Variants in NAA40 observed in about 807,000 individuals in gnomAD.
NAA40 encodes N-alpha-acetyltransferase 40, NatD catalytic subunit.
NAA40 carries 26 observed loss-of-function variants against 36.6 expected under a neutral mutation model. The observed-to-expected ratio is 0.71, with a 90% CI of 0.52 to 0.98. The LOEUF is 0.98. Among genes scored for constraint, NAA40 ranks in the 50% least tolerant of loss-of-function variants. The pLI is 0.00. For missense variants in NAA40, 237 were observed against 306.5 expected, an observed-to-expected ratio of 0.77 and a Z score of 1.69; for synonymous variants, 129 against 108.4, an observed-to-expected ratio of 1.19 and a Z score of -1.18.
At chr11:63,949,748 T>G (rs1242323757) in intron 3 of NAA40, among the ~76,000 whole-genome samples, 2 of 148,780 alleles carry the variant, frequency 1.3e-5, no homozygotes, top group African/African-American at 4.9e-5. Context: ...AAGCTGTTTT[T>G]TTTTTTTTTT....
chr11:63,953,180 T>TG (rs1942310198), intron 6 of NAA40, among the ~76,000 whole-genome samples: 1 of 151,604 alleles, frequency 6.6e-6, no homozygotes, highest in South Asian at 2.1e-4. Context: ...CCCAAGTGGC[T>TG]GGGATTACAG....
intron 1 of NAA40, among the ~76,000 whole-genome samples, chr11:63,941,310 C>T (rs1372233854): frequency 6.6e-6 from 1 of 152,218 alleles, no homozygotes. Context: ...AGCCTGGCCT[C>T]AGGCTGAGTG....
At chr11:63,950,235 C>T (rs936187141) in intron 3 of NAA40, among the ~76,000 whole-genome samples, 14 of 151,374 alleles carry the variant, frequency 9.2e-5, no homozygotes, top group African/African-American at 3.4e-4. Flanking sequence ...TCTCCTGCCT[C>T]TACCTCCTGA....
intron 3 of NAA40, among the ~76,000 whole-genome samples, chr11:63,949,307 TTGC>T (rs1942237924): frequency 6.6e-6 from 1 of 152,204 alleles, no homozygotes; most frequent in Admixed American, 6.5e-5. Flanking sequence ...AGATAAGTGT[TTGC>T]TGTTATTTTA....
intron 2 of NAA40, 113 bp downstream of exon 2, chr11:63,946,048 G>T: frequency 1.1e-6 from 1 of 880,956 alleles, no homozygotes; most frequent in Non-Finnish European, 1.8e-6. Flanking sequence ...CACCCACACC[G>T]CCTCTGCCTC....
At chr11:63,950,714 G>A (rs933169426) in intron 3 of NAA40, among the ~76,000 whole-genome samples, 3 of 150,564 alleles carry the variant, frequency 2.0e-5, no homozygotes, top group Admixed American at 6.6e-5. Context: ...CGCCCGCCTC[G>A]GCCTCCCAAA....
chr11:63,941,472 A>G (rs865875568), intron 1 of NAA40, among the ~76,000 whole-genome samples: 1 of 152,222 alleles, frequency 6.6e-6, no homozygotes, highest in Non-Finnish European at 1.5e-5. Flanking sequence ...GGGTAGAGAC[A>G]TTGATACTGA....
chr11:63,946,557 G>A, intron 2 of NAA40: 1 of 1,188,868 alleles, frequency 8.4e-7, no homozygotes, highest in Non-Finnish European at 1.1e-6. Flanking sequence ...CCCACTCATA[G>A]TAAACACTCA....
At chr11:63,954,257 G>C in intron 7 of NAA40, 81 bp from the exon 8 acceptor site, 1 of 1,516,274 alleles carries the variant, frequency 6.6e-7, no homozygotes, top group Non-Finnish European at 8.9e-7. Context: ...TCATCAGTGT[G>C]GCTGGTAGAA....
chr11:63,944,270 G>T (rs760520130), intron 1 of NAA40, among the ~76,000 whole-genome samples: 1 of 152,146 alleles, frequency 6.6e-6, no homozygotes. Context: ...GGGCCAGTCC[G>T]TGTCAGGGCT....
At chr11:63,949,307 T>G (rs1020473156) in intron 3 of NAA40, among the ~76,000 whole-genome samples, 1 of 152,204 alleles carries the variant, frequency 6.6e-6, no homozygotes, top group Non-Finnish European at 1.5e-5. Context: ...AGATAAGTGT[T>G]TGCTGTTATT....
intron 1 of NAA40, among the ~76,000 whole-genome samples, chr11:63,940,434 G>C (rs1474342461): frequency 6.6e-6 from 1 of 152,166 alleles, no homozygotes; most frequent in Non-Finnish European, 1.5e-5. Context: ...CCCCGTCTTC[G>C]CTGCTGGTGG....
intron 1 of NAA40, among the ~76,000 whole-genome samples, chr11:63,942,930 T>C (rs1942130647): frequency 6.6e-6 from 1 of 152,222 alleles, no homozygotes; most frequent in Non-Finnish European, 1.5e-5. Context: ...CTGCTTGTTC[T>C]TGGGAATTAC....
chr11:63,951,705 G>A (rs1406850858), intron 3 of NAA40, among the ~76,000 whole-genome samples: 1 of 152,156 alleles, frequency 6.6e-6, no homozygotes, highest in Non-Finnish European at 1.5e-5. Flanking sequence ...CAGGACTCCT[G>A]GGGCGGGGTG....
chr11:63,949,664 A>G (rs1267692966), intron 3 of NAA40, among the ~76,000 whole-genome samples: 2 of 150,798 alleles, frequency 1.3e-5, no homozygotes, highest in Non-Finnish European at 2.9e-5. Context: ...TAATAACTCT[A>G]CTTGGAGAAG....
chr11:63,943,754 T>C (rs1330293562), intron 1 of NAA40, among the ~76,000 whole-genome samples: 1 of 152,014 alleles, frequency 6.6e-6, no homozygotes, highest in East Asian at 1.9e-4. Flanking sequence ...GCTCAGGAGT[T>C]TGAGACTAGC....
chr11:63,943,504 C>T (rs1173618326), intron 1 of NAA40, among the ~76,000 whole-genome samples: 1 of 152,132 alleles, frequency 6.6e-6, no homozygotes, highest in Non-Finnish European at 1.5e-5. Flanking sequence ...CAGTAGGGGA[C>T]AGTGTGGCCA....
Position 63,956,137 on chromosome 11 carries a change from G to C in NAA40, c.*1658G>C, listed in dbSNP as rs1307573824. On this transcript the variant is annotated 3_prime_UTR_variant, in exon 8 of 8. Transcript: ENST00000377793. ...CTCTTGATGGGCAGCAGTGGGACTG[G>C]GAACTCCTTAGAGAGGGCCTTGCAG... The C allele has an allele frequency of 2.0e-5, 3 of 152,714 alleles. No individual in the cohort carries two copies. The highest frequency in any genetic ancestry group is 4.4e-5 in the Non-Finnish European group (3 of 68,112). The allele number at this position is 152,714 out of a possible 1,614,324, so 9.5% of individuals were successfully genotyped here. A position where few individuals can be genotyped will look rare whatever the true frequency, so the allele number is the denominator to read the frequency against.
chr11:63,953,283 G>A (rs557897743), intron 6 of NAA40, among the ~76,000 whole-genome samples: 4 of 152,180 alleles, frequency 2.6e-5, no homozygotes, highest in Admixed American at 1.3e-4. Context: ...GACCTCAGGT[G>A]ATCTACCTAC....
Sources: gnomAD v4.1 joint callset for allele counts (sites outside exome capture counted in the v4.1 genomes callset) on GRCh38, gnomAD v4.1.1 for gene constraint, MANE v1.5 for transcripts, NCBI Gene and HGNC (gene_info 2026-07-23, HGNC 2026-07-21) for gene names.